Variants in RNF141 observed in about 807,000 individuals in gnomAD.
RNF141 encodes C3HC4-like zinc finger protein.
A neutral mutation model predicts 27.4 loss-of-function variants in RNF141; 18 were observed. The ratio of observed to expected loss-of-function variants is 0.66; its 90% CI spans 0.45 to 0.97. RNF141 has a LOEUF of 0.97. Ranked by LOEUF, RNF141 falls within the 50% of genes least tolerant of loss-of-function variation. The pLI, the probability that RNF141 is intolerant of heterozygous loss-of-function variation, is 0.00. For synonymous variants in RNF141, 97 were observed against 96.6 expected (o/e 1.00, Z -0.02); for missense variants, 230 against 279.4 (o/e 0.82, Z 1.26).
At chr11:10,520,954 G>A (rs1849883125) in intron 4 of RNF141, among the ~76,000 whole-genome samples, 1 of 152,112 alleles carries the variant, frequency 6.6e-6, no homozygotes, top group Non-Finnish European at 1.5e-5. Context: ...CTGCCATCAG[G>A]GCCTTACAAT....
intron 1 of RNF141, among the ~76,000 whole-genome samples, chr11:10,536,375 C>T (rs1850034877): frequency 6.6e-6 from 1 of 152,060 alleles, no homozygotes; most frequent in South Asian, 2.1e-4. Context: ...GAAACTGGCA[C>T]CAAGAGTTGG....
intron 3 of RNF141, among the ~76,000 whole-genome samples, chr11:10,527,096 G>GT (rs1386048605): frequency 1.3e-5 from 2 of 152,222 alleles, no homozygotes; most frequent in African/African-American, 4.8e-5. Context: ...GTATCACACT[G>GT]TAACTATTCT....
At chr11:10,538,769 T>C (rs535123022) in intron 1 of RNF141, among the ~76,000 whole-genome samples, 17 of 152,312 alleles carry the variant, frequency 1.1e-4, no homozygotes, top group African/African-American at 3.8e-4. Flanking sequence ...AAGTTAAAAA[T>C]ATGTATGAAA....
At chr11:10,528,544 G>T (rs1335641453) in intron 3 of RNF141, among the ~76,000 whole-genome samples, 1 of 152,060 alleles carries the variant, frequency 6.6e-6, no homozygotes, top group Non-Finnish European at 1.5e-5. Flanking sequence ...TTGTCAAAGA[G>T]CAACAAAAAA....
In RNF141 at chr11:10,530,490, C is replaced by A. The variant is rs1378764949; in HGVS notation, c.252+153G>T. 3.9e-5 allele frequency among the ~76,000 whole-genome samples: 6 copies of A among 152,150 alleles called. 1 individual carries two copies. The highest frequency in any genetic ancestry group is 7.3e-5 in the Non-Finnish European group (5 of 68,030). ...TTAGACAACTGTAAGATTCAAACAGCTAGTTAGAAGGCAATAACAGTAACA... is the reference window on the plus strand; with the variant it reads ...TTAGACAACTGTAAGATTCAAACAGATAGTTAGAAGGCAATAACAGTAACA... On this transcript the variant is annotated intron_variant, in intron 3 of 5. Transcript: ENST00000265981.
At chr11:10,536,716 G>A (rs1238010906) in intron 1 of RNF141, among the ~76,000 whole-genome samples, 6 of 151,990 alleles carry the variant, frequency 3.9e-5, no homozygotes, top group Non-Finnish European at 7.4e-5. Flanking sequence ...CTCCCGCCTC[G>A]GCCTCCCAGG....
At chr11:10,521,904 T>C (rs191354239) in intron 4 of RNF141, among the ~76,000 whole-genome samples, 1 of 152,300 alleles carries the variant, frequency 6.6e-6, no homozygotes, top group Non-Finnish European at 1.5e-5. Flanking sequence ...AATATTAAGT[T>C]TGAACGTGTC....
At chr11:10,519,326 A>T (rs575735519) in intron 4 of RNF141, among the ~76,000 whole-genome samples, 185 bp from the exon 5 acceptor site, 1 of 152,348 alleles carries the variant, frequency 6.6e-6, no homozygotes, top group South Asian at 2.1e-4. Context: ...TTAGGGAAAA[A>T]GTATTAAGAG....
intron 2 of RNF141, 146 bp from the exon 3 acceptor site, chr11:10,530,897 G>A: frequency 2.0e-6 from 1 of 503,006 alleles, no homozygotes; most frequent in Non-Finnish European, 3.5e-6. Context: ...TATAATAACT[G>A]GATTCTTAAA....
chr11:10,534,138 ATCCGAAATTTGCTG>A lies in RNF141; in HGVS notation c.7_20del (p.Gln3SerfsTer7), dbSNP rs764378039. ...ACTTGTTAATAACCAACTGTGTCTG[ATCCGAAATTTGCTG>A]TCCCATGATGAAAAGATGTCTTTCA... On this transcript the variant is annotated frameshift_variant, in exon 2 of 6. Transcript: ENST00000265981. LOFTEE classifies it high-confidence loss of function. The A allele has an allele frequency of 6.2e-7, 1 of 1,613,354 alleles. No homozygotes were observed. The highest frequency in any genetic ancestry group is 1.1e-5 in the South Asian group (1 of 90,972).
chr11:10,533,921 C>T, intron 2 of RNF141, 95 bp downstream of exon 2: 1 of 1,107,878 alleles, frequency 9.0e-7, no homozygotes. Context: ...TAAGTCTTAC[C>T]AATCAACACC....
chr11:10,537,782 G>A (rs1448577967), intron 1 of RNF141, among the ~76,000 whole-genome samples: 1 of 152,186 alleles, frequency 6.6e-6, no homozygotes. Flanking sequence ...TCACAGAAAA[G>A]TGACTAGGAA....
Position 10,525,202 on chromosome 11 carries a change from A to G in RNF141, c.424T>C (p.Trp142Arg), listed in dbSNP as rs776204779. 1.2e-6 allele frequency: 2 copies of G among 1,600,042 alleles called. No individual in the cohort carries two copies. The highest frequency in any genetic ancestry group is 8.5e-7 in the Non-Finnish European group (1 of 1,173,862). Residue 142 changes from tryptophan to arginine, a missense_variant, in exon 4 of 6, where the codon TGG becomes CGG. Physicochemically the swap from Trp to Arg is moderately radical, Grantham distance 101 (BLOSUM62 -3). Transcript: ENST00000265981. ...SSVTSCQASLWMGRVKQLTDE... is the reference protein window; with the variant it reads ...SSVTSCQASLRMGRVKQLTDE... Reference sequence around the variant, plus strand: ...TTATGCATTATATACCTTCCCATCCAAAGACTAGCCTGACAAGATGTTACA... The same window carrying G: ...TTATGCATTATATACCTTCCCATCCGAAGACTAGCCTGACAAGATGTTACA...
chr11:10,535,815 T>C (rs1239894612), intron 1 of RNF141, among the ~76,000 whole-genome samples: 1 of 152,194 alleles, frequency 6.6e-6, no homozygotes, highest in African/African-American at 2.4e-5. Flanking sequence ...ATACCACATA[T>C]TTACCAGGTA....
chr11:10,532,383 AT>A (rs1354404258), intron 2 of RNF141, among the ~76,000 whole-genome samples: 1 of 152,022 alleles, frequency 6.6e-6, no homozygotes, highest in Non-Finnish European at 1.5e-5. Flanking sequence ...CTATATTTTT[AT>A]CATAAAAATA....
At chr11:10,523,438 T>G (rs1296487578) in intron 4 of RNF141, among the ~76,000 whole-genome samples, 1 of 152,232 alleles carries the variant, frequency 6.6e-6, no homozygotes, top group Non-Finnish European at 1.5e-5. Flanking sequence ...TTGTGAGAAT[T>G]TAATGAGTTT....
intron 1 of RNF141, among the ~76,000 whole-genome samples, chr11:10,540,492 AT>A (rs1325043538): frequency 6.6e-6 from 1 of 152,198 alleles, no homozygotes; most frequent in Non-Finnish European, 1.5e-5. Context: ...CTACCTTCTT[AT>A]TATTAGCAAG....
At chr11:10,539,711 G>GAGAGAGAGAGAGAGA (rs1564870337) in intron 1 of RNF141, among the ~76,000 whole-genome samples, 1 of 7,100 alleles carries the variant, frequency 1.4e-4, no homozygotes, top group African/African-American at 4.0e-4. Context: ...AGAGAGAGAA[G>GAGAGAGAGAGAGAGA]GAGAGAGAAA....
In RNF141 at chr11:10,526,514, T is replaced by TGGC. The variant is rs1257421487; in HGVS notation, c.253-1144_253-1142dup. Reference sequence around the variant, plus strand: ...GAATGAGTCATGCGGCCAGGCACGGTGGCTCATGCTTGTAATCCCAGCACT... The same window carrying TGGC: ...GAATGAGTCATGCGGCCAGGCACGGTGGCGGCTCATGCTTGTAATCCCAGCACT... On this transcript the variant is annotated intron_variant, in intron 3 of 5. Transcript: ENST00000265981. Among the ~76,000 whole-genome samples, 6 of 152,256 alleles carry TGGC rather than the reference T, an allele frequency of 3.9e-5. No individual in the cohort carries two copies. The East Asian group carries it at 1.2e-3, about 29-fold the overall frequency.
Sources: gnomAD v4.1 joint callset for allele counts (sites outside exome capture counted in the v4.1 genomes callset) on GRCh38, gnomAD v4.1.1 for gene constraint, MANE v1.5 for transcripts, NCBI Gene and HGNC (gene_info 2026-07-23, HGNC 2026-07-21) for gene names.